DGKI: variants seen among roughly 807,000 people sequenced by gnomAD.
The protein encoded by DGKI is diacylglycerol kinase iota, also known as DAG kinase iota.
Under a neutral mutation model 147.5 loss-of-function variants are expected in DGKI, and 55 were observed. That is an observed-to-expected ratio of 0.37 (90% CI 0.30 to 0.47). DGKI has a LOEUF of 0.47. Ranked by LOEUF, DGKI falls within the 20% of genes least tolerant of loss-of-function variation. DGKI has a pLI of 1.00. For missense variants in DGKI, 1,007 were observed against 1,323.8 expected, an observed-to-expected ratio of 0.76 and a Z score of 3.71; for synonymous variants, 469 against 477.1, an observed-to-expected ratio of 0.98 and a Z score of 0.22.
At chr7:137,593,151 G>A (rs1819672991) in intron 12 of DGKI, among the ~76,000 whole-genome samples, 1 of 152,160 alleles carries the variant, frequency 6.6e-6, no homozygotes, top group Non-Finnish European at 1.5e-5. Flanking sequence ...TCAATTTAAT[G>A]TCAGGCCTTT....
chr7:137,421,607 G>C (rs1585097518), intron 28 of DGKI, among the ~76,000 whole-genome samples: 1 of 152,176 alleles, frequency 6.6e-6, no homozygotes, highest in Non-Finnish European at 1.5e-5. Flanking sequence ...CACTGGAATT[G>C]GCTATAAACA....
chr7:137,828,290 C>T (rs190924140), intron 1 of DGKI, among the ~76,000 whole-genome samples: 1 of 152,306 alleles, frequency 6.6e-6, no homozygotes, highest in East Asian at 1.9e-4. Flanking sequence ...GGATTCTTCA[C>T]CAAGTGCTTG....
chr7:137,461,406 A>G (rs2128924533), intron 27 of DGKI, among the ~76,000 whole-genome samples: 2 of 152,376 alleles, frequency 1.3e-5, no homozygotes, highest in South Asian at 4.1e-4. Flanking sequence ...TATTATTAAC[A>G]TTATTAGATA....
intron 10 of DGKI, among the ~76,000 whole-genome samples, chr7:137,607,071 G>A (rs1208446047): frequency 6.6e-6 from 1 of 152,158 alleles, no homozygotes; most frequent in African/African-American, 2.4e-5. Context: ...ACTGAGCCTC[G>A]AAGGATGAAC....
chr7:137,564,720 C>T (rs922330108), intron 19 of DGKI, among the ~76,000 whole-genome samples: 12 of 152,188 alleles, frequency 7.9e-5, no homozygotes, highest in African/African-American at 2.9e-4. Flanking sequence ...GAAGTTTATT[C>T]TCTTCCCTGT....
chr7:137,472,392 T>TAATTATATGTATATATACA (rs61018353), intron 23 of DGKI, among the ~76,000 whole-genome samples: 3,566 of 12,758 alleles, frequency 0.28, 528 homozygotes, highest in African/African-American at 0.42. Context: ...TATATACATA[T>TAATTATATGTATATATACA]TATAATTATT....
chr7:137,822,192 A>C (rs1361213742), intron 1 of DGKI, among the ~76,000 whole-genome samples: 1 of 152,168 alleles, frequency 6.6e-6, no homozygotes, highest in Non-Finnish European at 1.5e-5. Flanking sequence ...GGATCACCTG[A>C]GGTCAGGAGT....
At chr7:137,643,382 G>C (rs185012421) in intron 6 of DGKI, among the ~76,000 whole-genome samples, 2 of 151,652 alleles carry the variant, frequency 1.3e-5, no homozygotes, top group South Asian at 2.1e-4. Context: ...CCAATGTTTG[G>C]AGTGAATTTT....
intron 1 of DGKI, among the ~76,000 whole-genome samples, chr7:137,730,938 C>T (rs1794862406): frequency 6.6e-6 from 1 of 152,082 alleles, no homozygotes; most frequent in African/African-American, 2.4e-5. Context: ...TCAGGATGCT[C>T]AGAGAAGCTT....
At chr7:137,811,414 A>C (rs1029264446) in intron 1 of DGKI, among the ~76,000 whole-genome samples, 1 of 146,790 alleles carries the variant, frequency 6.8e-6, no homozygotes, top group African/African-American at 2.6e-5. Flanking sequence ...ACACACACAC[A>C]CACACACCAT....
At chr7:137,714,917 C>T (rs1585400987) in intron 1 of DGKI, among the ~76,000 whole-genome samples, 2 of 152,150 alleles carry the variant, frequency 1.3e-5, no homozygotes, top group Admixed American at 6.5e-5. Context: ...TCTATGCCTT[C>T]GTAAGTATGA....
intron 20 of DGKI, among the ~76,000 whole-genome samples, chr7:137,546,746 A>G (rs1563078610): frequency 6.6e-6 from 1 of 152,128 alleles, no homozygotes; most frequent in Non-Finnish European, 1.5e-5. Context: ...TTATTTAAAG[A>G]GTTTCATTAT....
intron 32 of DGKI, among the ~76,000 whole-genome samples, chr7:137,392,064 T>C (rs1419646139): frequency 6.6e-6 from 1 of 152,204 alleles, no homozygotes; most frequent in African/African-American, 2.4e-5. Flanking sequence ...TACGTATTTT[T>C]ATAAAAACAA....
intron 31 of DGKI, among the ~76,000 whole-genome samples, chr7:137,396,256 A>AG: frequency 6.6e-6 from 1 of 152,142 alleles, no homozygotes; most frequent in Non-Finnish European, 1.5e-5. Context: ...AGGTGGAAGG[A>AG]GGGGGCAGCC....
chr7:137,676,216 AAACC>A (rs1441519828), intron 3 of DGKI, among the ~76,000 whole-genome samples: 1 of 152,188 alleles, frequency 6.6e-6, no homozygotes, highest in Non-Finnish European at 1.5e-5. Flanking sequence ...ATTTCAGCCT[AAACC>A]AACCAGCAGC....
At chr7:137,459,955 C>T (rs937091839) in intron 27 of DGKI, among the ~76,000 whole-genome samples, 1 of 152,136 alleles carries the variant, frequency 6.6e-6, no homozygotes, top group Non-Finnish European at 1.5e-5. Context: ...AATGAATCTG[C>T]AGTCCTAACG....
intron 1 of DGKI, among the ~76,000 whole-genome samples, chr7:137,758,996 C>T (rs1051971618): frequency 1.6e-4 from 24 of 152,048 alleles, no homozygotes; most frequent in African/African-American, 4.8e-4. Flanking sequence ...GGGATACATG[C>T]GCATGCTTGT....
rs926331772 is a variant in DGKI, at chr7:137,565,560, T to C, written c.1947+5615A>G. Reference sequence around the variant, plus strand: ...CTATAAAGAAACTTACACAGTTTTATTTCAATTAACAAAAAGAAAGCTGGA... The same window carrying C: ...CTATAAAGAAACTTACACAGTTTTACTTCAATTAACAAAAAGAAAGCTGGA... On this transcript the variant is annotated intron_variant, in intron 19 of 32. Coordinates refer to ENST00000614521, the MANE Select transcript of DGKI (RefSeq NM_001321708.2). Among the ~76,000 whole-genome samples the C allele has an allele frequency of 2.0e-5, 3 of 152,348 alleles. No individual in the cohort carries two copies. The East Asian group carries it at 5.8e-4, about 29-fold the overall frequency.
intron 1 of DGKI, among the ~76,000 whole-genome samples, chr7:137,836,002 G>C (rs781529456): frequency 6.6e-6 from 1 of 152,170 alleles, no homozygotes; most frequent in Non-Finnish European, 1.5e-5. Flanking sequence ...AGATTGTTTT[G>C]TGAGTAGTTA....
Sources: allele counts gnomAD v4.1 joint callset (sites outside exome capture counted in the v4.1 genomes callset), GRCh38; gene constraint gnomAD v4.1.1; transcripts MANE v1.5; gene names NCBI Gene and HGNC (gene_info 2026-07-23, HGNC 2026-07-21).